The following OCA2 variants were observed in gnomAD, a reference collection of about 807,000 sequenced individuals.
OCA2 encodes P protein.
Under a neutral mutation model 100.2 loss-of-function variants are expected in OCA2, and 77 were observed. That is an observed-to-expected ratio of 0.77 (90% confidence interval 0.64 to 0.93). OCA2 has a LOEUF of 0.93. Ranked by LOEUF, OCA2 falls within the 40% of genes least tolerant of loss-of-function variation. The pLI, the probability that OCA2 is intolerant of heterozygous loss-of-function variation, is 0.00. For synonymous variants in OCA2, 432 were observed against 439.2 expected, an observed-to-expected ratio of 0.98 and a Z score of 0.21; for missense variants, 1,062 against 1,089.1, an observed-to-expected ratio of 0.98 and a Z score of 0.35.
chr15:27,805,824 C>T (rs1309987794), intron 23 of OCA2, among the ~76,000 whole-genome samples: 1 of 151,998 alleles, frequency 6.6e-6, no homozygotes, highest in African/African-American at 2.4e-5. Context: ...ACCCAGGCGG[C>T]GGGAACAGCC....
chr15:27,752,812 CCCCCA>C (rs2030116357), downstream of OCA2, among the ~76,000 whole-genome samples: 1 of 122,512 alleles, frequency 8.2e-6, no homozygotes, highest in African/African-American at 3.2e-5. Context: ...CCCCCCCCCC[CCCCCA>C]GAGGCCCACA....
rs57418010 is a variant in OCA2 at position 28,075,940 on chromosome 15, T to C, written c.227+5708A>G. Among the ~76,000 whole-genome samples, 740 of 152,340 alleles carry C rather than the reference T, an allele frequency of 4.9e-3. 8 individuals carry two copies. Among genetic ancestry groups the C allele is most frequent in the African/African-American group, 0.017 (706 of 41,568 alleles). ...TGATAGAAATATTCCAGATCTTGAT[T>C]TGCTGACAATTACACAATTGTATGC... On this transcript the variant is annotated intron_variant, in intron 2 of 23. Transcript: ENST00000354638.
At chr15:27,809,198 C>G (rs1245748371) in intron 23 of OCA2, among the ~76,000 whole-genome samples, 1 of 152,208 alleles carries the variant, frequency 6.6e-6, no homozygotes, top group Non-Finnish European at 1.5e-5. Context: ...CTGAAGCTTA[C>G]CGTTTGGGGA....
intron 1 of OCA2, among the ~76,000 whole-genome samples, chr15:28,093,723 GC>G (rs2044913428): frequency 6.6e-6 from 1 of 152,148 alleles, no homozygotes; most frequent in Non-Finnish European, 1.5e-5. Flanking sequence ...TGTGAAATAG[GC>G]TGCGGTGCAT....
rs201590781 is a variant in OCA2, at chr15:27,966,798, C to T, written c.1528G>A (p.Ala510Thr). Residue 510 changes from alanine to threonine, a missense_variant, in exon 15 of 24, where the codon GCA (alanine) becomes ACA (threonine). Ala to Thr is a moderately conservative substitution (Grantham distance 58, BLOSUM62 0). Coordinates refer to ENST00000354638, the MANE Select transcript of OCA2 (RefSeq NM_000275.3). ...KMGLDFAGFT[A>T]HMFIGICLVL... ...AGGCAAATCCCAATGAACATGTGTGCAGTGAATCCGGCAAAGTCCAGGCCC... is the reference window on the plus strand; with the variant it reads ...AGGCAAATCCCAATGAACATGTGTGTAGTGAATCCGGCAAAGTCCAGGCCC... 186 of 1,612,422 alleles carry T rather than the reference C, an allele frequency of 1.2e-4. No homozygotes were observed. The highest frequency in any genetic ancestry group is 1.5e-4 in the Non-Finnish European group (181 of 1,179,818).
intron 17 of OCA2, among the ~76,000 whole-genome samples, chr15:27,954,327 T>C (rs950772166): frequency 2.0e-5 from 3 of 152,348 alleles, no homozygotes; most frequent in African/African-American, 7.2e-5. Context: ...ATAATCTGTA[T>C]GAACTTGGGG....
intron 18 of OCA2, among the ~76,000 whole-genome samples, chr15:27,928,230 G>C (rs892804982): frequency 5.9e-5 from 9 of 152,116 alleles, no homozygotes; most frequent in Non-Finnish European, 1.2e-4. Flanking sequence ...AAATAATAAA[G>C]ACTGGAGTAG....
At position 27,856,701 on chromosome 15, in the gene OCA2, AACACACAC is replaced by A. The variant is rs34330347; in HGVS notation, c.2245-5234_2245-5227del. ...TACACACACACAAACACACACCCCTAACACACACACACACACACACACACACACACACA... is the reference window on the plus strand; with the variant it reads ...TACACACACACAAACACACACCCCTAACACACACACACACACACACACACA... On this transcript the variant is annotated intron_variant, in intron 21 of 23. Coordinates refer to ENST00000354638, the MANE Select transcript of OCA2 (RefSeq NM_000275.3). Among the ~76,000 whole-genome samples the A allele has an allele frequency of 7.1e-3, 1,032 of 145,774 alleles. 18 individuals are homozygous for A. The highest frequency in any genetic ancestry group is 0.024 in the African/African-American group (957 of 40,252).
chr15:28,076,703 C>T (rs368377926), intron 2 of OCA2, among the ~76,000 whole-genome samples: 2,732 of 150,762 alleles, frequency 0.018, 87 homozygotes, highest in African/African-American at 0.063. Flanking sequence ...AAAAATTAGC[C>T]GGGCGCGGTG....
chr15:27,817,230 TATTAA>T (rs973770733), intron 23 of OCA2, among the ~76,000 whole-genome samples: 1 of 152,132 alleles, frequency 6.6e-6, no homozygotes, highest in African/African-American at 2.4e-5. Flanking sequence ...CTATAAGCTT[TATTAA>T]ATTAATCAGG....
chr15:27,756,957 C>T (rs1353141256), intron 23 of OCA2, among the ~76,000 whole-genome samples: 2 of 152,176 alleles, frequency 1.3e-5, no homozygotes, highest in African/African-American at 4.8e-5. Context: ...CTAGCATCAC[C>T]AAACATTTTC....
chr15:27,970,104 G>A (rs1316461423), intron 14 of OCA2, among the ~76,000 whole-genome samples: 2 of 152,046 alleles, frequency 1.3e-5, no homozygotes, highest in East Asian at 3.9e-4. Context: ...CATAGGTGCA[G>A]GGGTCCTGGC....
chr15:28,041,589 T>C (rs1308590427), intron 2 of OCA2, among the ~76,000 whole-genome samples: 2 of 152,230 alleles, frequency 1.3e-5, no homozygotes. Flanking sequence ...AAATTATCTC[T>C]ATTTGTAGAT....
chr15:28,062,262 A>G (rs1388147800), intron 2 of OCA2, among the ~76,000 whole-genome samples: 1 of 152,146 alleles, frequency 6.6e-6, no homozygotes, highest in Admixed American at 6.5e-5. Flanking sequence ...TAGCCATCCT[A>G]TTGGGTGTCA....
intron 21 of OCA2, among the ~76,000 whole-genome samples, chr15:27,870,243 G>T (rs183537599): frequency 6.6e-6 from 1 of 152,342 alleles, no homozygotes; most frequent in Non-Finnish European, 1.5e-5. Flanking sequence ...GGAAGGGGGA[G>T]ACCCTCAGAG....
At chr15:28,096,397 C>T (rs2044984110) in intron 1 of OCA2, among the ~76,000 whole-genome samples, 1 of 152,210 alleles carries the variant, frequency 6.6e-6, no homozygotes, top group Admixed American at 6.5e-5. Flanking sequence ...TCTCGGGAGC[C>T]TGGCGGTGTC....
intron 23 of OCA2, among the ~76,000 whole-genome samples, chr15:27,789,559 C>T (rs1482508363): frequency 1.3e-5 from 2 of 152,138 alleles, no homozygotes; most frequent in Admixed American, 6.5e-5. Context: ...TCCCCTCTGG[C>T]CTCTCAAGTA....
chr15:27,929,121 C>T (rs991317601), intron 18 of OCA2, among the ~76,000 whole-genome samples: 2 of 152,184 alleles, frequency 1.3e-5, no homozygotes, highest in Non-Finnish European at 2.9e-5. Context: ...TCCCAGCACT[C>T]TTTTGTGTAG....
the OCA2 span, among the ~76,000 whole-genome samples, chr15:27,734,764 G>A: frequency 4.6e-5 from 7 of 152,198 alleles, no homozygotes; most frequent in Non-Finnish European, 1.0e-4. Context: ...CCAAAAGTCA[G>A]GTCCACCCCC....
Sources: gnomAD v4.1 joint callset for allele counts (sites outside exome capture counted in the v4.1 genomes callset) on GRCh38, gnomAD v4.1.1 for gene constraint, MANE v1.5 for transcripts, NCBI Gene and HGNC (gene_info 2026-07-23, HGNC 2026-07-21) for gene names.